DPP6: variants seen among roughly 807,000 people sequenced by gnomAD.
DPP6 encodes dipeptidyl peptidase like 6.
In DPP6, 69 loss-of-function variants were observed where a neutral mutation model predicts 122.6. That is an observed-to-expected ratio of 0.56 (90% CI 0.46 to 0.69). DPP6 has a LOEUF of 0.69. Among genes scored for constraint, DPP6 ranks in the 30% least tolerant of loss-of-function variants. The probability of loss-of-function intolerance (pLI) is 0.00; values close to 1 mark genes in which losing one functional copy is unlikely to be tolerated. For synonymous variants in DPP6, 418 were observed against 433.1 expected (o/e 0.97, Z 0.43); for missense variants, 928 against 1,116.9 (o/e 0.83, Z 2.41).
the DPP6 span, among the ~76,000 whole-genome samples, chr7:153,840,208 A>G: frequency 1.3e-5 from 2 of 152,278 alleles, no homozygotes; most frequent in East Asian, 3.9e-4. Context: ...GATTTCAGTA[A>G]TTTCCCTACT....
chr7:153,960,718 CGTGT>C (rs57286253), intron 1 of DPP6, among the ~76,000 whole-genome samples: 2 of 147,246 alleles, frequency 1.4e-5, no homozygotes, highest in Non-Finnish European at 3.0e-5. Context: ...TGTGTGCATG[CGTGT>C]GTGTGTGTGC....
At chr7:153,921,606 C>T (rs2129008707) in intron 1 of DPP6, among the ~76,000 whole-genome samples, 1 of 152,326 alleles carries the variant, frequency 6.6e-6, no homozygotes, top group South Asian at 2.1e-4. Context: ...AAAGAGGGAA[C>T]ACATTGTTCA....
At chr7:153,990,236 A>C (rs1797101462) in intron 1 of DPP6, among the ~76,000 whole-genome samples, 4 of 87,162 alleles carry the variant, frequency 4.6e-5, no homozygotes, top group Admixed American at 2.6e-4. Flanking sequence ...TTCCAGCCCC[A>C]CCCTCAGGCA....
chr7:153,849,973 T>G, the DPP6 span, among the ~76,000 whole-genome samples: 4 of 152,230 alleles, frequency 2.6e-5, no homozygotes, highest in Non-Finnish European at 5.9e-5. Flanking sequence ...TCATAATTAT[T>G]GAGAATATTA....
intron 5 of DPP6, among the ~76,000 whole-genome samples, chr7:154,612,701 A>C (rs970054096): frequency 6.6e-5 from 10 of 152,194 alleles, no homozygotes; most frequent in African/African-American, 2.4e-4. Context: ...TTGGAAGTTT[A>C]GTTTATTAAA....
At chr7:153,994,367 C>G (rs558335546) in intron 1 of DPP6, among the ~76,000 whole-genome samples, 1 of 151,818 alleles carries the variant, frequency 6.6e-6, no homozygotes, top group African/African-American at 2.4e-5. Flanking sequence ...TAGTGGAGTA[C>G]GTGATAATGC....
In DPP6 at chr7:154,276,468, A is replaced by G. The variant is rs144346851; in HGVS notation, c.244-169746A>G. Among the ~76,000 whole-genome samples, 338 of 152,356 alleles carry G rather than the reference A, an allele frequency of 2.2e-3. 2 individuals carry two copies. Among genetic ancestry groups the G allele is most frequent in the African/African-American group, 7.7e-3 (321 of 41,590 alleles). On this transcript the variant is annotated intron_variant, in intron 1 of 25. Coordinates refer to ENST00000377770, the MANE Select transcript of DPP6 (RefSeq NM_130797.4). ...GGCATTGATAAGGTCAATAATTCAA[A>G]TGGGAAATTAGAGTATTATTCTGAC...
At chr7:154,399,717 GTGGA>G (rs1763317779) in intron 1 of DPP6, among the ~76,000 whole-genome samples, 1 of 152,138 alleles carries the variant, frequency 6.6e-6, no homozygotes, top group Non-Finnish European at 1.5e-5. Context: ...CTGCAGAGAG[GTGGA>G]TGCATGGGAG....
chr7:154,588,218 G>A (rs914972795), intron 5 of DPP6: 16 of 1,438,454 alleles, frequency 1.1e-5, no homozygotes, highest in African/African-American at 1.4e-5. Context: ...GAGTGTCCCA[G>A]AGGAGGGAGG....
intron 17 of DPP6, chr7:154,865,571 T>C (rs551829000): frequency 1.3e-5 from 2 of 152,394 alleles, no homozygotes; most frequent in African/African-American, 4.8e-5. Context: ...CATCAACTTC[T>C]AAACACCAGA....
At chr7:154,572,486 T>TACG (rs1831171308) in intron 5 of DPP6, among the ~76,000 whole-genome samples, 1 of 150,580 alleles carries the variant, frequency 6.6e-6, no homozygotes, top group East Asian at 1.9e-4. Flanking sequence ...ATTCTGAGTA[T>TACG]ATGAGTTTCT....
At chr7:154,527,252 T>C (rs1472111) in intron 3 of DPP6, among the ~76,000 whole-genome samples, 4,269 of 152,134 alleles carry the variant, frequency 0.028, 90 homozygotes, top group South Asian at 0.083. Context: ...TCTTGGCCAG[T>C]GGGAGCCTCT....
intron 1 of DPP6, among the ~76,000 whole-genome samples, chr7:154,144,797 G>A (rs1235116733): frequency 3.3e-3 from 462 of 141,098 alleles, no homozygotes; most frequent in African/African-American, 0.013. Context: ...AAGAGACAGC[G>A]GAGCTTGCTC....
At chr7:154,388,254 T>A (rs1416887186) in intron 1 of DPP6, among the ~76,000 whole-genome samples, 1 of 151,992 alleles carries the variant, frequency 6.6e-6, no homozygotes, top group Non-Finnish European at 1.5e-5. Context: ...ATCACACCAC[T>A]CCAGCCTGGG....
chr7:154,278,550 A>T (rs1166305620), intron 1 of DPP6, among the ~76,000 whole-genome samples: 1 of 152,234 alleles, frequency 6.6e-6, no homozygotes. Flanking sequence ...AATGAAAAAT[A>T]CATGCAAATA....
intron 14 of DPP6, 68 bp from the exon 15 acceptor site, chr7:154,804,849 G>T: frequency 1.3e-6 from 2 of 1,557,236 alleles, no homozygotes; most frequent in Non-Finnish European, 1.7e-6. Context: ...TAGAGGTAGT[G>T]CCAGGAATGT....
At chr7:154,714,413 G>T (rs183762834) in intron 7 of DPP6, among the ~76,000 whole-genome samples, 1 of 152,298 alleles carries the variant, frequency 6.6e-6, no homozygotes, top group East Asian at 1.9e-4. Flanking sequence ...AGAAATACCT[G>T]AGACTGGGTA....
chr7:154,028,753 C>A, intron 1 of DPP6, among the ~76,000 whole-genome samples: 1 of 152,140 alleles, frequency 6.6e-6, no homozygotes, highest in East Asian at 1.9e-4. Context: ...TTCACTTCTG[C>A]CCACTCCATG....
chr7:154,299,246 C>T (rs947834415), intron 1 of DPP6, among the ~76,000 whole-genome samples: 1 of 152,222 alleles, frequency 6.6e-6, no homozygotes, highest in Non-Finnish European at 1.5e-5. Context: ...CCCGGTGAGC[C>T]CTGACCACGC....
Sources: gnomAD v4.1 joint callset for allele counts (sites outside exome capture counted in the v4.1 genomes callset) on GRCh38, gnomAD v4.1.1 for gene constraint, MANE v1.5 for transcripts, NCBI Gene and HGNC (gene_info 2026-07-23, HGNC 2026-07-21) for gene names.